The following CC2D2B variants were observed in gnomAD, a reference collection of about 807,000 sequenced individuals.
The protein encoded by CC2D2B is protein CC2D2B.
Under a neutral mutation model 161.2 loss-of-function variants are expected in CC2D2B, and 128 were observed. That is an observed-to-expected ratio of 0.79 (90% CI 0.69 to 0.92). CC2D2B has a LOEUF of 0.92. Among genes scored for constraint, CC2D2B ranks in the 40% least tolerant of loss-of-function variants. The pLI is 0.00. For synonymous variants in CC2D2B, 391 were observed against 449.8 expected (o/e 0.87, Z 1.65); for missense variants, 1,173 against 1,375.1 (o/e 0.85, Z 2.32).
chr10:96,032,703 T>C lies in CC2D2B; in HGVS notation c.*695T>C, dbSNP rs892061096. 2.7e-5 allele frequency: 12 copies of C among 445,574 alleles called. No homozygotes were observed. The highest frequency in any genetic ancestry group is 4.2e-5 in the Non-Finnish European group (9 of 215,184). 27.6% of individuals were successfully genotyped at this position (445,574 alleles called of 1,614,324 possible). Reference sequence around the variant, plus strand: ...GGGCTGATGTTGGCTTCTGGAAGCTTCTCAAAAGTTTGCACTTTGGATGCT... The same window carrying C: ...GGGCTGATGTTGGCTTCTGGAAGCTCCTCAAAAGTTTGCACTTTGGATGCT... On this transcript the variant is annotated 3_prime_UTR_variant, in exon 35 of 35. Coordinates refer to ENST00000646931, the MANE Select transcript of CC2D2B (RefSeq NM_001349008.3).
At chr10:95,987,450 CT>C (rs1483701461) in intron 19 of CC2D2B, among the ~76,000 whole-genome samples, 5 of 152,012 alleles carry the variant, frequency 3.3e-5, no homozygotes, top group East Asian at 1.9e-4. Context: ...AGTAACTTAC[CT>C]TCAGATAATG....
intron 2 of CC2D2B, 106 bp from the exon 3 acceptor site, chr10:95,921,910 T>C (rs956368702): frequency 3.3e-6 from 2 of 599,104 alleles, no homozygotes; most frequent in Non-Finnish European, 5.7e-6. Context: ...CAAACCTGCA[T>C]GTTGTGCACA....
intron 24 of CC2D2B, among the ~76,000 whole-genome samples, chr10:96,002,138 T>C (rs1412792671): frequency 6.6e-6 from 1 of 152,182 alleles, no homozygotes; most frequent in Non-Finnish European, 1.5e-5. Context: ...ATACATAAAC[T>C]TATAAGTGAA....
At chr10:95,923,943 C>A (rs1249664101) in intron 3 of CC2D2B, among the ~76,000 whole-genome samples, 1 of 152,102 alleles carries the variant, frequency 6.6e-6, no homozygotes, top group Non-Finnish European at 1.5e-5. Flanking sequence ...ATCGCTTGAA[C>A]CCGGGAGGGG....
At chr10:96,028,575 A>G (rs943348168) in intron 34 of CC2D2B, among the ~76,000 whole-genome samples, 2 of 152,232 alleles carry the variant, frequency 1.3e-5, no homozygotes, top group African/African-American at 4.8e-5. Flanking sequence ...GAGGTTCCTC[A>G]AAAAACTAAA....
At chr10:96,015,726 T>C (rs773477244) in intron 29 of CC2D2B, among the ~76,000 whole-genome samples, 4 of 152,170 alleles carry the variant, frequency 2.6e-5, no homozygotes, top group Non-Finnish European at 4.4e-5. Flanking sequence ...TTTTCCTGAT[T>C]AACATCCAAC....
At chr10:95,960,188 C>T (rs1205012415) in intron 11 of CC2D2B, among the ~76,000 whole-genome samples, 1 of 152,174 alleles carries the variant, frequency 6.6e-6, no homozygotes, top group Non-Finnish European at 1.5e-5. Context: ...GCTATCCTTT[C>T]TACTGCATCA....
intron 32 of CC2D2B, among the ~76,000 whole-genome samples, chr10:96,023,244 A>G (rs2051271402): frequency 6.6e-6 from 1 of 152,244 alleles, no homozygotes; most frequent in African/African-American, 2.4e-5. Flanking sequence ...TTTAGCTTGT[A>G]TCTCTACTTC....
chr10:95,990,077 C>T (rs2077889999), intron 20 of CC2D2B, among the ~76,000 whole-genome samples: 1 of 152,172 alleles, frequency 6.6e-6, no homozygotes. Flanking sequence ...GAGGGTAGCA[C>T]ATCTCTTCAA....
chr10:95,933,072 T>C (rs1020156806), intron 6 of CC2D2B, among the ~76,000 whole-genome samples: 1 of 151,902 alleles, frequency 6.6e-6, no homozygotes, highest in African/African-American at 2.4e-5. Flanking sequence ...AGAGGCTTTG[T>C]TCATTTCTTT....
In CC2D2B at chr10:96,016,217, C is replaced by A; in HGVS notation, c.3533C>A (p.Ala1178Asp). The A allele has an allele frequency of 1.2e-6, 2 of 1,611,132 alleles. No individual in the cohort carries two copies. The highest frequency in any genetic ancestry group is 2.2e-5 in the East Asian group (1 of 44,860). ...WMTSEHCISL[A>D]IGNKEEHAIL... ...TTGTCTTAGCACTGCATCAGTTTAGCTATCGGAAATAAGGAGGAGCATGCC... is the reference window on the plus strand; with the variant it reads ...TTGTCTTAGCACTGCATCAGTTTAGATATCGGAAATAAGGAGGAGCATGCC... The change falls in exon 30 of 35, where the codon GCT becomes GAT. Residue 1178 changes from alanine (A) to aspartate (D), a missense_variant. Physicochemically the swap from Ala to Asp is moderately radical, Grantham distance 126 (BLOSUM62 -2). Around this residue, in one of 3 missense-constraint regions of CC2D2B, gnomAD observed 598 missense variants for 693.2 expected, o/e 0.86. Coordinates refer to ENST00000646931, the MANE Select transcript of CC2D2B (RefSeq NM_001349008.3).
At chr10:95,913,119 C>T (rs1422085935) in intron 2 of CC2D2B, among the ~76,000 whole-genome samples, 1 of 147,056 alleles carries the variant, frequency 6.8e-6, no homozygotes, top group African/African-American at 2.5e-5. Context: ...CAATACCTTT[C>T]CCAGTCTCTG....
chr10:95,924,890 A>C, intron 5 of CC2D2B, 46 bp downstream of exon 5: 1 of 1,224,870 alleles, frequency 8.2e-7, no homozygotes, highest in Non-Finnish European at 1.2e-6. Flanking sequence ...AGCTTTATGG[A>C]AGTATAGTTT....
At chr10:95,975,167 TTA>T (rs2077269746) in intron 17 of CC2D2B, among the ~76,000 whole-genome samples, 1 of 152,234 alleles carries the variant, frequency 6.6e-6, no homozygotes, top group Non-Finnish European at 1.5e-5. Context: ...CTCTAAAAAA[TTA>T]TGTTTTAAAA....
chr10:95,974,303 T>C (rs2077241773), intron 17 of CC2D2B, 147 bp downstream of exon 17: 1 of 416,868 alleles, frequency 2.4e-6, no homozygotes, highest in Admixed American at 4.4e-5. Context: ...TAAATCACTC[T>C]ACTAAGGCAG....
chr10:96,025,184 TAAAAA>T (rs1279667652), intron 33 of CC2D2B, among the ~76,000 whole-genome samples: 1 of 20,650 alleles, frequency 4.8e-5, no homozygotes, highest in African/African-American at 2.2e-4. Context: ...TATATATATA[TAAAAA>T]AAAATATATA....
intron 10 of CC2D2B, among the ~76,000 whole-genome samples, chr10:95,954,605 G>A (rs764371315): frequency 2.6e-5 from 4 of 152,038 alleles, no homozygotes; most frequent in Non-Finnish European, 5.9e-5. Flanking sequence ...ATGAACCTTA[G>A]AATTAGCTTG....
At chr10:96,010,382 A>T (rs528482606) in intron 26 of CC2D2B, among the ~76,000 whole-genome samples, 1 of 152,276 alleles carries the variant, frequency 6.6e-6, no homozygotes, top group African/African-American at 2.4e-5. Flanking sequence ...GCAAAGTAGA[A>T]AAGCCCCAGC....
At chr10:96,008,160 T>C (rs2078834476) in intron 25 of CC2D2B, among the ~76,000 whole-genome samples, 1 of 109,008 alleles carries the variant, frequency 9.2e-6, no homozygotes, top group Non-Finnish European at 1.8e-5. Context: ...AATCCTATGG[T>C]ATGTGTTCTT....
Sources: gnomAD v4.1 joint callset for allele counts (sites outside exome capture counted in the v4.1 genomes callset) on GRCh38, gnomAD v4.1.1 for gene constraint, gnomAD v4.1.1 regional missense constraint, MANE v1.5 for transcripts, NCBI Gene and HGNC (gene_info 2026-07-23, HGNC 2026-07-21) for gene names.